RIMS4: variants seen among roughly 807,000 people sequenced by gnomAD.
RIMS4 encodes the protein regulating synaptic membrane exocytosis protein 4.
A neutral mutation model predicts 29.0 loss-of-function variants in RIMS4; 9 were observed. The ratio of observed to expected loss-of-function variants is 0.31; its 90% CI spans 0.19 to 0.54. RIMS4 has a LOEUF of 0.54. RIMS4 is among the 20% of genes least tolerant of loss of function. The pLI, the probability that RIMS4 is intolerant of heterozygous loss-of-function variation, is 0.94. For missense variants in RIMS4, 193 were observed against 365.7 expected (o/e 0.53, Z 3.85); for synonymous variants, 130 against 152.9 (o/e 0.85, Z 1.10).
At chr20:44,757,187 G>A in intron 4 of RIMS4, 150 bp from the exon 5 acceptor site, 1 of 804,076 alleles carries the variant, frequency 1.2e-6, no homozygotes. Flanking sequence ...ATGGGGGGTG[G>A]GCATTTGGGG....
At chr20:44,797,702 A>G (rs1005761009) in intron 1 of RIMS4, among the ~76,000 whole-genome samples, 1 of 152,136 alleles carries the variant, frequency 6.6e-6, no homozygotes, top group African/African-American at 2.4e-5. Flanking sequence ...CATCATGCCC[A>G]TTTTACAGAC....
intron 1 of RIMS4, among the ~76,000 whole-genome samples, chr20:44,803,130 C>T (rs1008906113): frequency 8.5e-5 from 13 of 152,258 alleles, no homozygotes; most frequent in Middle Eastern, 3.4e-3. Flanking sequence ...GTCTGTTTCC[C>T]CCACCCCAGA....
At chr20:44,798,018 A>C (rs2066262152) in intron 1 of RIMS4, among the ~76,000 whole-genome samples, 1 of 152,164 alleles carries the variant, frequency 6.6e-6, no homozygotes, top group African/African-American at 2.4e-5. Flanking sequence ...CCCACGACAA[A>C]TCAACTACCC....
At chr20:44,796,454 G>C (rs369525189) in intron 1 of RIMS4, among the ~76,000 whole-genome samples, 1 of 152,180 alleles carries the variant, frequency 6.6e-6, no homozygotes, top group African/African-American at 2.4e-5. Context: ...GAGGAAGGGA[G>C]GGGCTTGGGA....
chr20:44,787,088 T>G (rs1205179572), intron 1 of RIMS4, among the ~76,000 whole-genome samples: 2 of 151,492 alleles, frequency 1.3e-5, no homozygotes, highest in Admixed American at 6.6e-5. Flanking sequence ...TGAAACAGAG[T>G]GATCAGAGAA....
chr20:44,771,562 C>G (rs561236258), intron 1 of RIMS4, 149 bp from the exon 2 acceptor site: 57 of 704,410 alleles, frequency 8.1e-5, no homozygotes, highest in Admixed American at 4.6e-4. Flanking sequence ...CCTCAGACTC[C>G]TGGCCTCACC....
rs532557967 is a variant in RIMS4, at chr20:44,756,802, G to A, written c.591+96C>T. On this transcript the variant is annotated intron_variant, in intron 5 of 5. Coordinates refer to ENST00000372851, the MANE Select transcript of RIMS4 (RefSeq NM_182970.4). This position sits in a 1 kb window ranked among gnomAD's most constrained non-coding sequence, Gnocchi z 5.9. The stretch of plus-strand genomic sequence containing the variant: ...TGTTTCCTCCAGGCGAGGCCCTCCA[G>A]AGACACCCCCCGCCAGGGGTGCCCT... The A allele has an allele frequency of 1.4e-4, 187 of 1,315,854 alleles. No individual in the cohort carries two copies. Among genetic ancestry groups the A allele is most frequent in the Non-Finnish European group, 1.8e-4 (172 of 976,092 alleles). The allele number at this position is 1,315,854 out of a possible 1,614,324, so 81.5% of individuals were successfully genotyped here.
In RIMS4 at chr20:44,809,194, G is replaced by A. The variant is rs575722274; in HGVS notation, c.97+981C>T. ...CCCAAGGTCACAGCTAAGAAGTAGA[G>A]AATGAAGACTGGAACCTGATTCCGA... On this transcript the variant is annotated intron_variant, in intron 1 of 5. Coordinates refer to ENST00000372851, the MANE Select transcript of RIMS4 (RefSeq NM_182970.4). Among the ~76,000 whole-genome samples the A allele has an allele frequency of 1.1e-4, 17 of 152,294 alleles. No individual in the cohort carries two copies. The South Asian group carries it at 1.5e-3, about 13-fold the overall frequency.
Position 44,786,825 on chromosome 20 carries a change from G to A in RIMS4, c.98-15412C>T, listed in dbSNP as rs555544940. ...CATGTGAAGTTTGAGAGCCCTACAGGAGCCTGTCTCAGACTAGATGAGATT... is the reference window on the plus strand; with the variant it reads ...CATGTGAAGTTTGAGAGCCCTACAGAAGCCTGTCTCAGACTAGATGAGATT... On this transcript the variant is annotated intron_variant, in intron 1 of 5. Transcript: ENST00000372851. Among the ~76,000 whole-genome samples the A allele has an allele frequency of 3.3e-5, 5 of 152,314 alleles. No individual in the cohort carries two copies. The South Asian group carries it at 1.0e-3, about 32-fold the overall frequency.
chr20:44,804,813 G>A (rs1031307558), intron 1 of RIMS4, among the ~76,000 whole-genome samples: 11 of 152,124 alleles, frequency 7.2e-5, no homozygotes, highest in Non-Finnish European at 1.6e-4. Context: ...GCTGCAAACC[G>A]AGGAAGCTGG....
intron 1 of RIMS4, among the ~76,000 whole-genome samples, chr20:44,786,822 C>T (rs535522240): frequency 1.3e-5 from 2 of 152,238 alleles, no homozygotes; most frequent in South Asian, 2.1e-4. Context: ...GAGAGCCCTA[C>T]AGGAGCCTGT....
intron 1 of RIMS4, among the ~76,000 whole-genome samples, chr20:44,793,550 A>G (rs2066242084): frequency 6.6e-6 from 1 of 152,146 alleles, no homozygotes; most frequent in South Asian, 2.1e-4. Context: ...GGATGCATCC[A>G]TCCTCAGGAG....
chr20:44,800,427 C>A (rs1019028037), intron 1 of RIMS4, among the ~76,000 whole-genome samples: 1 of 151,988 alleles, frequency 6.6e-6, no homozygotes, highest in Non-Finnish European at 1.5e-5. Context: ...AGGGATGGGA[C>A]ATGAGGATCA....
At chr20:44,759,474 G>T (rs909305905) in intron 2 of RIMS4, among the ~76,000 whole-genome samples, 2 of 152,164 alleles carry the variant, frequency 1.3e-5, no homozygotes, top group Non-Finnish European at 2.9e-5. Context: ...GGCCAGGCTG[G>T]TCTCCAACCC....
chr20:44,799,965 AC>A (rs1214987694), intron 1 of RIMS4, among the ~76,000 whole-genome samples: 3 of 152,118 alleles, frequency 2.0e-5, no homozygotes, highest in Admixed American at 6.5e-5. Context: ...TCCTCTTGAC[AC>A]CTTCGAGGCA....
intron 1 of RIMS4, among the ~76,000 whole-genome samples, chr20:44,801,193 T>C (rs1040549113): frequency 2.0e-5 from 3 of 152,106 alleles, no homozygotes; most frequent in African/African-American, 7.2e-5. Flanking sequence ...ATTTTTACTA[T>C]CCCAAGCCAC....
intron 1 of RIMS4, among the ~76,000 whole-genome samples, chr20:44,772,615 T>G (rs2066142021): frequency 6.6e-6 from 1 of 152,038 alleles, no homozygotes; most frequent in African/African-American, 2.4e-5. Flanking sequence ...CCCGGGAGGG[T>G]GTCTGCTCCC....
At chr20:44,776,679 T>C (rs555994507) in intron 1 of RIMS4, among the ~76,000 whole-genome samples, 1 of 152,306 alleles carries the variant, frequency 6.6e-6, no homozygotes, top group South Asian at 2.1e-4. Context: ...TGTAATAACA[T>C]ATAACCCTCA....
chr20:44,778,512 TA>T (rs1200471769), intron 1 of RIMS4, among the ~76,000 whole-genome samples: 1 of 151,978 alleles, frequency 6.6e-6, no homozygotes, highest in Non-Finnish European at 1.5e-5. Context: ...CCTGCCTCTA[TA>T]AAAAATTTGA....
Sources: allele counts gnomAD v4.1 joint callset (sites outside exome capture counted in the v4.1 genomes callset), GRCh38; gene constraint gnomAD v4.1.1; non-coding constraint Gnocchi (gnomAD v3.1); transcripts MANE v1.5; gene names NCBI Gene and HGNC (gene_info 2026-07-23, HGNC 2026-07-21).